ZNF827: variants seen among roughly 807,000 people sequenced by gnomAD.
ZNF827 encodes the protein zinc finger protein 827.
A neutral mutation model predicts 102.4 loss-of-function variants in ZNF827; 13 were observed. The observed-to-expected ratio is 0.13, with a 90% CI of 0.08 to 0.20. The LOEUF is 0.20. ZNF827 is among the 10% of genes least tolerant of loss of function. The pLI is 1.00. For missense variants in ZNF827, 1,103 were observed against 1,344.4 expected (o/e 0.82, Z 2.81); for synonymous variants, 523 against 536.2 (o/e 0.98, Z 0.34).
intron 3 of ZNF827, among the ~76,000 whole-genome samples, chr4:145,890,317 C>T (rs1401282854): frequency 6.6e-6 from 1 of 152,188 alleles, no homozygotes; most frequent in Non-Finnish European, 1.5e-5. Context: ...AGTAATTTCA[C>T]ACAACTGCTT....
intron 6 of ZNF827, among the ~76,000 whole-genome samples, chr4:145,847,094 T>C (rs889243804): frequency 6.6e-6 from 1 of 151,176 alleles, no homozygotes; most frequent in African/African-American, 2.4e-5. Flanking sequence ...GTGGAGGGTG[T>C]AGTGAGCCAA....
chr4:145,820,882 A>G (rs1046681623), intron 8 of ZNF827, among the ~76,000 whole-genome samples: 4 of 152,214 alleles, frequency 2.6e-5, no homozygotes, highest in African/African-American at 9.6e-5. Flanking sequence ...AATGTTCTAT[A>G]AGAACCCATG....
intron 1 of ZNF827, among the ~76,000 whole-genome samples, chr4:145,917,509 A>G (rs934150335): frequency 6.6e-6 from 1 of 152,098 alleles, no homozygotes; most frequent in Non-Finnish European, 1.5e-5. Flanking sequence ...AGCTTCTTAA[A>G]GTCCCTCTTG....
intron 5 of ZNF827, among the ~76,000 whole-genome samples, chr4:145,863,723 G>C (rs543638631): frequency 3.4e-5 from 5 of 146,626 alleles, no homozygotes; most frequent in Non-Finnish European, 7.5e-5. Flanking sequence ...GCCTGGGTGG[G>C]GGGTGGAGGT....
intron 8 of ZNF827, among the ~76,000 whole-genome samples, chr4:145,781,216 A>C (rs1737987718): frequency 8.5e-6 from 1 of 118,082 alleles, no homozygotes; most frequent in Non-Finnish European, 1.7e-5. Flanking sequence ...AAAAAAAAAA[A>C]AGAAAAAAAA....
chr4:145,913,510 T>G (rs58198080), intron 1 of ZNF827, among the ~76,000 whole-genome samples: 1 of 150,662 alleles, frequency 6.6e-6, no homozygotes, highest in Non-Finnish European at 1.5e-5. Flanking sequence ...CAAAAAGATA[T>G]ACTCATCCTT....
chr4:145,849,241 T>G (rs1746285432), intron 6 of ZNF827, 81 bp downstream of exon 6: 1 of 1,518,084 alleles, frequency 6.6e-7, no homozygotes, highest in Non-Finnish European at 8.8e-7. Flanking sequence ...ATTCAGGTTT[T>G]TTTTTTTAAA....
chr4:145,835,064 G>A (rs1744661178), intron 7 of ZNF827: 1 of 152,172 alleles, frequency 6.6e-6, no homozygotes, highest in Admixed American at 6.5e-5. Context: ...CCGCAGCCTG[G>A]GATTCCTCCT....
chr4:145,845,841 T>A, intron 7 of ZNF827, 115 bp downstream of exon 7: 1 of 985,832 alleles, frequency 1.0e-6, no homozygotes, highest in East Asian at 2.5e-5. Flanking sequence ...TGGTAAAGGG[T>A]GTGACTCCTT....
At chr4:145,909,317 C>T (rs978907423) in intron 1 of ZNF827, among the ~76,000 whole-genome samples, 1 of 152,166 alleles carries the variant, frequency 6.6e-6, no homozygotes, top group Non-Finnish European at 1.5e-5. Context: ...CCGCATGAAG[C>T]AATAAGGGAA....
intron 13 of ZNF827, chr4:145,764,758 AT>A: frequency 1.8e-6 from 1 of 554,992 alleles, no homozygotes; most frequent in Non-Finnish European, 3.2e-6. Context: ...CTTGCCCTGA[AT>A]CCCGGGGTAT....
chr4:145,911,369 A>G (rs1752278538), intron 1 of ZNF827, among the ~76,000 whole-genome samples: 1 of 152,218 alleles, frequency 6.6e-6, no homozygotes, highest in Non-Finnish European at 1.5e-5. Flanking sequence ...AGGTACCGAC[A>G]TGCTTTGGAG....
At chr4:145,818,765 G>C (rs1742847185) in intron 8 of ZNF827, among the ~76,000 whole-genome samples, 1 of 152,218 alleles carries the variant, frequency 6.6e-6, no homozygotes, top group African/African-American at 2.4e-5. Context: ...GTCTTAAAGA[G>C]GTCATTCACT....
At chr4:145,848,832 A>C (rs1407535269) in intron 6 of ZNF827, among the ~76,000 whole-genome samples, 1 of 152,226 alleles carries the variant, frequency 6.6e-6, no homozygotes, top group Non-Finnish European at 1.5e-5. Context: ...CTATAGCTGG[A>C]AATAGTCCTC....
chr4:145,806,911 CACCTGGTGCCCT>C (rs1741509971), intron 8 of ZNF827, among the ~76,000 whole-genome samples: 1 of 152,184 alleles, frequency 6.6e-6, no homozygotes, highest in Non-Finnish European at 1.5e-5. Context: ...TCTTCTATCA[CACCTGGTGCCCT>C]AAGATTAATT....
rs1426883793 is a variant in ZNF827, at chr4:145,898,381, A to G, written c.1093+3785T>C. On this transcript the variant is annotated intron_variant, in intron 2 of 14. Coordinates refer to ENST00000508784, the MANE Select transcript of ZNF827 (RefSeq NM_001306215.2). ...TAAGAATATTTACATTTTATTCAGTACAATAAGATGTTTTGGAGACCCTCT... is the reference window on the plus strand; with the variant it reads ...TAAGAATATTTACATTTTATTCAGTGCAATAAGATGTTTTGGAGACCCTCT... Among the ~76,000 whole-genome samples the G allele has an allele frequency of 1.4e-4, 21 of 152,196 alleles. 1 individual carries two copies. Among genetic ancestry groups the G allele is most frequent in the Admixed American group, 1.4e-3 (21 of 15,286 alleles).
chr4:145,902,435 G>A lies in ZNF827; in HGVS notation c.824C>T (p.Ala275Val). The A allele has an allele frequency of 3.7e-6, 6 of 1,614,198 alleles. No individual in the cohort carries two copies. The highest frequency in any genetic ancestry group is 5.1e-6 in the Non-Finnish European group (6 of 1,180,050). The change falls in exon 2 of 15, where the codon GCC (alanine) becomes GTC (valine). Residue 275 changes from alanine to valine, a missense_variant. Ala to Val is a moderately conservative substitution (Grantham distance 64). Coordinates refer to ENST00000508784, the MANE Select transcript of ZNF827 (RefSeq NM_001306215.2). The surrounding 1 kb of genome is among the most constrained non-coding windows in gnomAD (Gnocchi z 4.3). ...LTPGQEHPPP[A>V]SSFLSLASMT... The stretch of plus-strand genomic sequence containing the variant: ...AGAAGCCAGGGAAAGGAAGGAGCTG[G>A]CCGGTGGAGGGTGCTCCTGACCAGG...
chr4:145,799,711 C>T (rs994639387), intron 8 of ZNF827, among the ~76,000 whole-genome samples: 6 of 152,184 alleles, frequency 3.9e-5, no homozygotes, highest in Middle Eastern at 3.2e-3. Flanking sequence ...CTAAGTACGG[C>T]CACGTGATCA....
At position 145,860,277 on chromosome 4, in the gene ZNF827, G is replaced by A. The variant is rs1747570831; in HGVS notation, c.1981+9968C>T. On this transcript the variant is annotated intron_variant, in intron 5 of 14. Transcript: ENST00000508784. ...GGGCCTCTTTTCCTCTTGAGGGGAG[G>A]GGCTCTTAATGCACCTTTGGAAACA... 4.6e-5 allele frequency among the ~76,000 whole-genome samples: 7 copies of A among 152,224 alleles called. No homozygotes were observed. In the South Asian group the frequency reaches 1.5e-3, roughly 32 times the overall value.
Sources: allele counts gnomAD v4.1 joint callset (sites outside exome capture counted in the v4.1 genomes callset), GRCh38; gene constraint gnomAD v4.1.1; non-coding constraint Gnocchi (gnomAD v3.1); transcripts MANE v1.5; gene names NCBI Gene and HGNC (gene_info 2026-07-23, HGNC 2026-07-21).